DNAJC10: variants seen among roughly 807,000 people sequenced by gnomAD.
The protein encoded by DNAJC10 is DnaJ heat shock protein family (Hsp40) member C10.
A neutral mutation model predicts 115.0 loss-of-function variants in DNAJC10; 101 were observed. That is an observed-to-expected ratio of 0.88 (90% CI 0.75 to 1.04). The LOEUF (loss-of-function observed/expected upper bound fraction) is 1.04. DNAJC10 is among the 50% of genes least tolerant of loss of function. The probability of loss-of-function intolerance (pLI) is 0.00; values close to 1 mark genes in which losing one functional copy is unlikely to be tolerated. For missense variants in DNAJC10, 981 were observed against 928.8 expected, an observed-to-expected ratio of 1.06 and a Z score of -0.73; for synonymous variants, 307 against 301.5, an observed-to-expected ratio of 1.02 and a Z score of -0.19.
At chr2:182,763,115 TCTGTGAAAGGTTATGGTGA>T (rs1193142618) in intron 22 of DNAJC10, among the ~76,000 whole-genome samples, 1 of 152,132 alleles carries the variant, frequency 6.6e-6, no homozygotes, top group African/African-American at 2.4e-5. Context: ...TTTCTACTTT[TCTGTGAAAGGTTATGGTGA>T]CTGTTGAGGT....
rs1016291116 is a variant in DNAJC10, at chr2:182,760,816, A to C, written c.2145+1509A>C. Among the ~76,000 whole-genome samples the C allele has an allele frequency of 4.6e-5, 7 of 152,206 alleles. No individual in the cohort carries two copies. The East Asian group carries it at 1.3e-3, about 29-fold the overall frequency. On this transcript the variant is annotated intron_variant, in intron 21 of 23. Transcript: ENST00000264065. ...TTAGCAGAGGGATTTTAAAGGTCTTACTAGCTATAAAAGATTATTTTTGTT... is the reference window on the plus strand; with the variant it reads ...TTAGCAGAGGGATTTTAAAGGTCTTCCTAGCTATAAAAGATTATTTTTGTT...
At chr2:182,752,682 G>T in intron 16 of DNAJC10, 7 of 382,446 alleles carry the variant, frequency 1.8e-5, no homozygotes, top group African/African-American at 2.3e-5. Flanking sequence ...TAGAATGAAA[G>T]TACGTAATAT....
intron 9 of DNAJC10, 41 bp downstream of exon 9, chr2:182,731,148 A>G (rs183253996): frequency 6.7e-7 from 1 of 1,488,972 alleles, no homozygotes; most frequent in Non-Finnish European, 9.3e-7. Context: ...AGAACATGAC[A>G]TTTAAATTTT....
At chr2:182,764,728 G>A (rs775450521) in intron 22 of DNAJC10, among the ~76,000 whole-genome samples, 5 of 152,078 alleles carry the variant, frequency 3.3e-5, no homozygotes, top group Non-Finnish European at 7.4e-5. Context: ...CAGAGAGAGG[G>A]TATAGTTGCC....
rs565080567 is a variant in DNAJC10 at position 182,782,255 on chromosome 2, G to A, written c.*5123G>A. The A allele has an allele frequency of 6.6e-6, 1 of 152,346 alleles. No homozygotes were observed. Among genetic ancestry groups the A allele is most frequent in the African/African-American group, 2.4e-5 (1 of 41,564 alleles). The allele number at this position is 152,346 out of a possible 1,614,324, so 9.4% of individuals were successfully genotyped here. On this transcript the variant is annotated 3_prime_UTR_variant, in exon 24 of 24. Transcript: ENST00000264065. ...CAGGTTTGTCAAAGATCAGATGGTT[G>A]TAGAAGTGTGGCGTTATTTCTGAGG...
chr2:182,731,499 C>T (rs1053731171), intron 9 of DNAJC10, among the ~76,000 whole-genome samples: 3 of 152,070 alleles, frequency 2.0e-5, no homozygotes, highest in Admixed American at 6.5e-5. Context: ...CTCAAACATA[C>T]ATAGATTTGC....
intron 21 of DNAJC10, among the ~76,000 whole-genome samples, chr2:182,760,406 T>C (rs1003370497): frequency 3.9e-5 from 6 of 152,306 alleles, no homozygotes; most frequent in Middle Eastern, 3.4e-3. Flanking sequence ...TGGAAATAAT[T>C]AGTTGTAGCA....
intron 14 of DNAJC10, among the ~76,000 whole-genome samples, chr2:182,744,009 A>G (rs1317576586): frequency 1.3e-5 from 2 of 152,222 alleles, no homozygotes; most frequent in East Asian, 1.9e-4. Context: ...CCTGCAGTTT[A>G]TATTCCAGCT....
intron 14 of DNAJC10, among the ~76,000 whole-genome samples, chr2:182,751,393 C>CA (rs1243926248): frequency 6.6e-6 from 1 of 152,016 alleles, no homozygotes; most frequent in African/African-American, 2.4e-5. Context: ...CTCGGCCTCT[C>CA]AAAGTGCTAG....
At chr2:182,763,446 C>A (rs1230967014) in intron 22 of DNAJC10, among the ~76,000 whole-genome samples, 1 of 152,062 alleles carries the variant, frequency 6.6e-6, no homozygotes, top group Non-Finnish European at 1.5e-5. Context: ...GAGAGTCCAC[C>A]CCAGCATTCA....
At chr2:182,775,166 C>T (rs1694673044) in intron 22 of DNAJC10, 150 bp from the exon 23 acceptor site, 1 of 563,948 alleles carries the variant, frequency 1.8e-6, no homozygotes. Flanking sequence ...GCTTTTGCAG[C>T]ATTATTTCCT....
chr2:182,720,285 T>C, intron 4 of DNAJC10, 116 bp downstream of exon 4: 1 of 823,438 alleles, frequency 1.2e-6, no homozygotes, highest in Non-Finnish European at 2.0e-6. Flanking sequence ...TAGCTCCTTT[T>C]AATTTGCTGT....
At chr2:182,753,361 A>G (rs936372629) in intron 16 of DNAJC10, among the ~76,000 whole-genome samples, 1 of 152,166 alleles carries the variant, frequency 6.6e-6, no homozygotes, top group Non-Finnish European at 1.5e-5. Flanking sequence ...GAAGGAAAAC[A>G]AAAGAAAGCC....
intron 14 of DNAJC10, among the ~76,000 whole-genome samples, chr2:182,747,716 T>G (rs1466989412): frequency 6.7e-6 from 1 of 149,124 alleles, no homozygotes; most frequent in South Asian, 2.1e-4. Context: ...TTGAATACCC[T>G]TTATTTCCTT....
rs1434283223 is a variant in DNAJC10, at chr2:182,782,599, G to A, written c.*5467G>A. On this transcript the variant is annotated 3_prime_UTR_variant, in exon 24 of 24. Coordinates refer to ENST00000264065, the MANE Select transcript of DNAJC10 (RefSeq NM_018981.4). ...TTTCTGTCCTCTCTCATTTCCTTGA[G>A]CAGTGGTTTGTAGTTCTTGAAGAGG... 6.6e-6 allele frequency: 1 copy of A among 152,078 alleles called. No individual in the cohort carries two copies. The highest frequency in any genetic ancestry group is 1.5e-5 in the Non-Finnish European group (1 of 68,022). The allele number at this position is 152,078 out of a possible 1,614,324, so 9.4% of individuals were successfully genotyped here. A position where few individuals can be genotyped will look rare whatever the true frequency, so the allele number is the denominator to read the frequency against.
chr2:182,792,274 A>ATGTT lies in DNAJC10; in HGVS notation c.*15144_*15147dup, dbSNP rs1195737205. The ATGTT allele has an allele frequency of 1.3e-5, 2 of 152,182 alleles. No homozygotes were observed. The highest frequency in any genetic ancestry group is 1.3e-4 in the Admixed American group (2 of 15,278). The allele number at this position is 152,182 out of a possible 1,614,324, so 9.4% of individuals were successfully genotyped here. ...GAATTAAATGCACTATCTGAAGTCT[A>ATGTT]TGTTTATTAAATGAGGATTACAGTA... On this transcript the variant is annotated 3_prime_UTR_variant, in exon 24 of 24. Coordinates refer to ENST00000264065, the MANE Select transcript of DNAJC10 (RefSeq NM_018981.4).
intron 22 of DNAJC10, among the ~76,000 whole-genome samples, chr2:182,767,427 TTC>T (rs1304306811): frequency 1.3e-5 from 2 of 152,098 alleles, no homozygotes; most frequent in Non-Finnish European, 2.9e-5. Flanking sequence ...AAAAAATACT[TTC>T]TGTTCTTTGG....
chr2:182,731,559 C>T lies in DNAJC10; in HGVS notation c.805+452C>T, dbSNP rs141139666. Reference sequence around the variant, plus strand: ...TGACAGCTTCTTCTAGGAACCTTTCCTTGAATAAATTAAGTTGAAAATTCA... The same window carrying T: ...TGACAGCTTCTTCTAGGAACCTTTCTTTGAATAAATTAAGTTGAAAATTCA... On this transcript the variant is annotated intron_variant, in intron 9 of 23. Coordinates refer to ENST00000264065, the MANE Select transcript of DNAJC10 (RefSeq NM_018981.4). Among the ~76,000 whole-genome samples, 743 of 152,190 alleles carry T rather than the reference C, an allele frequency of 4.9e-3. 3 individuals are homozygous for T. The highest frequency in any genetic ancestry group is 0.017 in the African/African-American group (697 of 41,544).
At chr2:182,719,672 ATATT>A (rs1374355260) in intron 3 of DNAJC10, among the ~76,000 whole-genome samples, 1 of 152,150 alleles carries the variant, frequency 6.6e-6, no homozygotes, top group Non-Finnish European at 1.5e-5. Context: ...GGAGTAAAAA[ATATT>A]TATGAAATTA....
Sources: gnomAD v4.1 joint callset for allele counts (sites outside exome capture counted in the v4.1 genomes callset) on GRCh38, gnomAD v4.1.1 for gene constraint, MANE v1.5 for transcripts, NCBI Gene and HGNC (gene_info 2026-07-23, HGNC 2026-07-21) for gene names.